Variants in SBNO2 observed in about 807,000 individuals in gnomAD.
SBNO2 encodes protein strawberry notch homolog 2.
SBNO2 carries 89 observed loss-of-function variants against 146.3 expected under a neutral mutation model. That is an observed-to-expected ratio of 0.61 (90% CI 0.51 to 0.73). The LOEUF is 0.73. Among genes scored for constraint, SBNO2 ranks in the 30% least tolerant of loss-of-function variants. SBNO2 has a pLI of 0.00. For synonymous variants in SBNO2, 1,147 were observed against 892.6 expected (o/e 1.29, Z -5.08); for missense variants, 2,092 against 2,003.7 (o/e 1.04, Z -0.84).
chr19:1,115,645 C>G, intron 17 of SBNO2: 1 of 312,204 alleles, frequency 3.2e-6, no homozygotes, highest in Non-Finnish European at 6.0e-6. Context: ...CTTCGACAGG[C>G]AGCTCTGGGC....
rs748263582 is a variant in SBNO2 at position 1,110,901 on chromosome 19, G to A, written c.2885-13C>T. 5 of 1,612,968 alleles carry A rather than the reference G, an allele frequency of 3.1e-6. No homozygotes were observed. The highest frequency in any genetic ancestry group is 4.2e-6 in the Non-Finnish European group (5 of 1,179,208). On this transcript the variant is annotated splice_polypyrimidine_tract_variant and intron_variant, in intron 25 of 31. Transcript: ENST00000361757. This position sits in a 1 kb window ranked among gnomAD's most constrained non-coding sequence, Gnocchi z 4.9. ...GTGATGGAACAGTCTGGTAGGGGAG[G>A]GAGCCAAGCCTCAGGCTGCGCTGGG... is the stretch of plus-strand genomic sequence containing the variant.
At chr19:1,145,523 G>C (rs1169850600) in intron 4 of SBNO2, among the ~76,000 whole-genome samples, 3 of 151,448 alleles carry the variant, frequency 2.0e-5, no homozygotes, top group African/African-American at 7.3e-5. Flanking sequence ...GGAACACACA[G>C]AAAGAGGCAG....
At chr19:1,145,005 A>T (rs1314548039) in intron 4 of SBNO2, among the ~76,000 whole-genome samples, 1 of 151,070 alleles carries the variant, frequency 6.6e-6, no homozygotes, top group African/African-American at 2.4e-5. Flanking sequence ...GATGGAGCAT[A>T]GAGGGAGACA....
chr19:1,116,774 AG>A, intron 16 of SBNO2, 54 bp downstream of exon 16: 4 of 1,432,984 alleles, frequency 2.8e-6, no homozygotes, highest in Non-Finnish European at 2.9e-6. Context: ...GGCCACAGAG[AG>A]GGGTGGCCAT....
chr19:1,160,642 G>GGACCCACTGGGGGT (rs1226077339), intron 1 of SBNO2, among the ~76,000 whole-genome samples: 1 of 152,170 alleles, frequency 6.6e-6, no homozygotes, highest in Non-Finnish European at 1.5e-5. Context: ...TGATTTTTGT[G>GGACCCACTGGGGGT]CCTCAGCTTC....
At position 1,109,816 on chromosome 19, in the gene SBNO2, G is replaced by C. The variant is rs1364992663; in HGVS notation, c.3029-39C>G. 1 of 1,472,848 alleles carries C rather than the reference G, an allele frequency of 6.8e-7. No homozygotes were observed. Among genetic ancestry groups the C allele is most frequent in the Non-Finnish European group, 9.3e-7 (1 of 1,075,346 alleles). 91.2% of individuals were successfully genotyped at this position (1,472,848 alleles called of 1,614,324 possible). ...TGGAGGGTAAGTGGTGTCCAGGCCTGGGACTGTGGGCTGGGGCCAGGGTCA... is the reference window on the plus strand; with the variant it reads ...TGGAGGGTAAGTGGTGTCCAGGCCTCGGACTGTGGGCTGGGGCCAGGGTCA... On this transcript the variant is annotated intron_variant, in intron 26 of 31. Transcript: ENST00000361757. This position sits in a 1 kb window ranked among gnomAD's most constrained non-coding sequence, Gnocchi z 4.2.
Position 1,122,294 on chromosome 19 carries a change from C to A in SBNO2, c.1006-12G>T, listed in dbSNP as rs371259465. 6.4e-7 allele frequency: 1 copy of A among 1,554,028 alleles called. No homozygotes were observed. Among genetic ancestry groups the A allele is most frequent in the Non-Finnish European group, 8.7e-7 (1 of 1,147,592 alleles). On this transcript the variant is annotated splice_polypyrimidine_tract_variant and intron_variant, in intron 10 of 31. Coordinates refer to ENST00000361757, the MANE Select transcript of SBNO2 (RefSeq NM_014963.3). Reference sequence around the variant, plus strand: ...TCACCGTACTTGATCTGGGGATGCACAGAACAGGTGTGGAATGGGGCCCCG... The same window carrying A: ...TCACCGTACTTGATCTGGGGATGCAAAGAACAGGTGTGGAATGGGGCCCCG...
At chr19:1,171,579 G>A (rs778490557) in intron 1 of SBNO2, among the ~76,000 whole-genome samples, 7 of 152,106 alleles carry the variant, frequency 4.6e-5, no homozygotes, top group African/African-American at 7.2e-5. Context: ...TCTGGGAGCC[G>A]GACTGGTTCT....
chr19:1,138,318 G>C (rs898005065), intron 4 of SBNO2, among the ~76,000 whole-genome samples: 1 of 151,554 alleles, frequency 6.6e-6, no homozygotes, highest in African/African-American at 2.4e-5. Flanking sequence ...GCGAGGCTGG[G>C]CTGGGCCTGG....
intron 4 of SBNO2, among the ~76,000 whole-genome samples, chr19:1,141,158 A>C (rs970861505): frequency 6.6e-6 from 1 of 151,966 alleles, no homozygotes; most frequent in African/African-American, 2.4e-5. Flanking sequence ...CTTCGGGGGC[A>C]AGCGCAGAGG....
Position 1,136,713 on chromosome 19 carries a change from G to A in SBNO2, c.280-8948C>T, listed in dbSNP as rs2080087647. On this transcript the variant is annotated intron_variant, in intron 4 of 31. Transcript: ENST00000361757. This position sits in a 1 kb window ranked among gnomAD's most constrained non-coding sequence, Gnocchi z 4.2. ...GTGGGGGCTCCGTGGTGCCGGATGG[G>A]CCGAGGCATCTGACCCCTGCTGAAA... Among the ~76,000 whole-genome samples, 1 of 152,234 alleles carries A rather than the reference G, an allele frequency of 6.6e-6. No homozygotes were observed. The highest frequency in any genetic ancestry group is 1.5e-5 in the Non-Finnish European group (1 of 68,032).
chr19:1,108,859 G>C lies in SBNO2; in HGVS notation c.3536C>G (p.Ala1179Gly). 1.9e-6 allele frequency: 3 copies of C among 1,596,238 alleles called. No homozygotes were observed. The South Asian group carries it at 3.3e-5, about 18-fold the overall frequency. ...GALLRVWGRI[A>G]AVMADVSSSS... ...GCTGCTGACGTCGGCCATGACGGCG[G>C]CGATGCGGCCCCACACGCGCAGCAG... is the stretch of plus-strand genomic sequence containing the variant. Residue 1179 changes from alanine (A) to glycine (G), a missense_variant, in exon 31 of 32, where the codon GCC becomes GGC. Physicochemically the swap from Ala to Gly is moderately conservative, Grantham distance 60 (BLOSUM62 0). Coordinates refer to ENST00000361757, the MANE Select transcript of SBNO2 (RefSeq NM_014963.3).
At position 1,110,685 on chromosome 19, in the gene SBNO2, G is replaced by A; in HGVS notation, c.3028+60C>T. The A allele has an allele frequency of 6.3e-7, 1 of 1,585,028 alleles. No individual in the cohort carries two copies. Among genetic ancestry groups the A allele is most frequent in the Non-Finnish European group, 8.6e-7 (1 of 1,162,394 alleles). ...GCCCCGAGCCCACCCAGGATGCATG[G>A]CGTTCCCACGAGCCCCGCACCCACA... On this transcript the variant is annotated intron_variant, in intron 26 of 31. Coordinates refer to ENST00000361757, the MANE Select transcript of SBNO2 (RefSeq NM_014963.3). This position sits in a 1 kb window ranked among gnomAD's most constrained non-coding sequence, Gnocchi z 4.9.
rs762836576 is a variant in SBNO2, at chr19:1,112,444, A to G, written c.2473T>C (p.Leu825=). ...QNQRRRVHMT[L]ELPWSADRAI... ...CGGTCGGCGCTCCACGGCAGCTCCA[A>G]GGTCATGTGCACGCGGCGCCGCTGG... is the stretch of plus-strand genomic sequence containing the variant. The change falls in exon 21 of 32, where the codon TTG becomes CTG. Residue 825 remains leucine, a synonymous_variant. Coordinates refer to ENST00000361757, the MANE Select transcript of SBNO2 (RefSeq NM_014963.3). This position sits in a 1 kb window ranked among gnomAD's most constrained non-coding sequence, Gnocchi z 5.9. 5.0e-6 allele frequency: 8 copies of G among 1,607,774 alleles called. No individual in the cohort carries two copies. In the Admixed American group the frequency reaches 1.2e-4, roughly 24 times the overall value.
At chr19:1,124,950 C>T (rs1033981788) in intron 5 of SBNO2, among the ~76,000 whole-genome samples, 26 of 151,968 alleles carry the variant, frequency 1.7e-4, no homozygotes, top group Non-Finnish European at 1.3e-4. Context: ...GTGTGGACCC[C>T]GGGACGGATG....
intron 14 of SBNO2, among the ~76,000 whole-genome samples, chr19:1,118,335 G>A (rs935558348): frequency 1.3e-5 from 2 of 151,500 alleles, no homozygotes; most frequent in Admixed American, 6.6e-5. Context: ...TGGAAACCCC[G>A]TCTCAAAAAA....
In SBNO2 at chr19:1,110,624, C is replaced by T. The variant is rs1568551996; in HGVS notation, c.3028+121G>A. The T allele has an allele frequency of 7.9e-7, 1 of 1,272,246 alleles. No individual in the cohort carries two copies. The highest frequency in any genetic ancestry group is 1.1e-6 in the Non-Finnish European group (1 of 946,820). The allele number at this position is 1,272,246 out of a possible 1,614,324, so 78.8% of individuals were successfully genotyped here. A position where few individuals can be genotyped will look rare whatever the true frequency, so the allele number is the denominator to read the frequency against. On this transcript the variant is annotated intron_variant, in intron 26 of 31. Coordinates refer to ENST00000361757, the MANE Select transcript of SBNO2 (RefSeq NM_014963.3). The surrounding 1 kb of genome is among the most constrained non-coding windows in gnomAD (Gnocchi z 4.9). ...CCGGGATGCACGGTGTTCCCACGAG[C>T]CCCTCGCCCACCCGGGATGCCCGGT...
At chr19:1,131,966 C>T (rs899219735) in intron 4 of SBNO2, 5 of 589,052 alleles carry the variant, frequency 8.5e-6, no homozygotes, top group Admixed American at 4.1e-5. Flanking sequence ...TAGATCCTGG[C>T]GGCCTCGGAC....
At chr19:1,171,983 T>G (rs987936186) in intron 1 of SBNO2, among the ~76,000 whole-genome samples, 1 of 152,102 alleles carries the variant, frequency 6.6e-6, no homozygotes, top group African/African-American at 2.4e-5. Context: ...TGAGAGTGAA[T>G]GGATGAGGGA....
Sources: allele counts gnomAD v4.1 joint callset (sites outside exome capture counted in the v4.1 genomes callset), GRCh38; gene constraint gnomAD v4.1.1; non-coding constraint Gnocchi (gnomAD v3.1); transcripts MANE v1.5; gene names NCBI Gene and HGNC (gene_info 2026-07-23, HGNC 2026-07-21).